The following GRID1 variants were observed in gnomAD, a reference collection of about 807,000 sequenced individuals.
GRID1 encodes the protein glutamate ionotropic receptor delta type subunit 1.
A neutral mutation model predicts 98.0 loss-of-function variants in GRID1; 28 were observed. That is an observed-to-expected ratio of 0.29 (90% confidence interval 0.21 to 0.39). The LOEUF (loss-of-function observed/expected upper bound fraction) is 0.39. GRID1 is among the 10% of genes least tolerant of loss of function. The pLI, the probability that GRID1 is intolerant of heterozygous loss-of-function variation, is 1.00. For missense variants in GRID1, 1,111 were observed against 1,340.5 expected (o/e 0.83, Z 2.67); for synonymous variants, 553 against 538.5 (o/e 1.03, Z -0.37).
intron 4 of GRID1, among the ~76,000 whole-genome samples, chr10:85,993,891 A>G (rs1842710896): frequency 6.6e-6 from 1 of 152,084 alleles, no homozygotes; most frequent in South Asian, 2.1e-4. Context: ...GATGTTCAGT[A>G]GATGATGTTT....
At chr10:86,275,112 G>T (rs1225999292) in intron 2 of GRID1, among the ~76,000 whole-genome samples, 1 of 152,156 alleles carries the variant, frequency 6.6e-6, no homozygotes, top group Non-Finnish European at 1.5e-5. Context: ...TTTGTTTGTT[G>T]TTGTTGTTTT....
intron 3 of GRID1, among the ~76,000 whole-genome samples, chr10:86,170,373 G>A (rs546658837): frequency 3.3e-5 from 5 of 152,340 alleles, no homozygotes; most frequent in East Asian, 1.9e-4. Context: ...TTGACTCCCC[G>A]GTAAAGTAGA....
intron 2 of GRID1, among the ~76,000 whole-genome samples, chr10:86,311,639 G>A (rs1312718424): frequency 6.6e-6 from 1 of 151,720 alleles, no homozygotes; most frequent in Non-Finnish European, 1.5e-5. Context: ...TTTTTCTCTT[G>A]CTCTCTCTCT....
chr10:86,020,995 T>G (rs10509528), intron 4 of GRID1, among the ~76,000 whole-genome samples: 3,302 of 152,278 alleles, frequency 0.022, 98 homozygotes, highest in African/African-American at 0.066. Flanking sequence ...GAGACCACTT[T>G]GCAAGGCGTT....
rs558343792 is a variant in GRID1 at position 86,228,164 on chromosome 10, G to C, written c.236-21516C>G. Among the ~76,000 whole-genome samples the C allele has an allele frequency of 5.3e-5, 8 of 151,310 alleles. No individual in the cohort carries two copies. The South Asian group carries it at 1.7e-3, about 32-fold the overall frequency. On this transcript the variant is annotated intron_variant, in intron 2 of 15. Coordinates refer to ENST00000327946, the MANE Select transcript of GRID1 (RefSeq NM_017551.3). ...GAGTAGGTGGGTGGATGGATGTGTA[G>C]GTGGTTGGTTGAGTAGGTGGGTGGA...
At chr10:86,079,115 AG>A (rs1843928426) in intron 4 of GRID1, among the ~76,000 whole-genome samples, 1 of 152,218 alleles carries the variant, frequency 6.6e-6, no homozygotes, top group Non-Finnish European at 1.5e-5. Flanking sequence ...CTTGAACTGA[AG>A]CAGCACAGGT....
intron 8 of GRID1, among the ~76,000 whole-genome samples, chr10:85,745,551 A>G (rs1841987636): frequency 7.7e-6 from 1 of 129,212 alleles, no homozygotes; most frequent in Admixed American, 7.9e-5. Flanking sequence ...GAAGGGGAAT[A>G]TCACACTCTG....
intron 8 of GRID1, among the ~76,000 whole-genome samples, chr10:85,751,814 T>C (rs1439483201): frequency 1.3e-5 from 2 of 152,160 alleles, no homozygotes; most frequent in East Asian, 3.8e-4. Flanking sequence ...TTAATGCATT[T>C]AAAAAACTTT....
intron 2 of GRID1, among the ~76,000 whole-genome samples, chr10:86,309,464 G>T (rs1589444888): frequency 1.3e-5 from 2 of 152,312 alleles, no homozygotes; most frequent in African/African-American, 2.4e-5. Flanking sequence ...AAGGGATCAT[G>T]CCTGCATGCT....
At chr10:86,295,186 G>A (rs1045924573) in intron 2 of GRID1, among the ~76,000 whole-genome samples, 5 of 152,166 alleles carry the variant, frequency 3.3e-5, no homozygotes, top group Non-Finnish European at 7.3e-5. Context: ...GAGACGCAGA[G>A]GACAGTAGCT....
chr10:86,201,334 T>C (rs910734141), intron 3 of GRID1, among the ~76,000 whole-genome samples: 5 of 152,214 alleles, frequency 3.3e-5, no homozygotes, highest in Admixed American at 2.6e-4. Context: ...TCCACATATA[T>C]GAGTCGCAAA....
At chr10:85,659,352 G>A (rs960354227) in intron 12 of GRID1, among the ~76,000 whole-genome samples, 11 of 152,328 alleles carry the variant, frequency 7.2e-5, no homozygotes, top group African/African-American at 2.6e-4. Flanking sequence ...CTTTAAAATA[G>A]AGGAGTGGTT....
intron 4 of GRID1, among the ~76,000 whole-genome samples, chr10:86,017,760 G>A (rs1189108275): frequency 3.9e-5 from 6 of 152,200 alleles, no homozygotes; most frequent in Non-Finnish European, 8.8e-5. Flanking sequence ...ATGATTAGTA[G>A]TTCTGAGCAT....
intron 3 of GRID1, among the ~76,000 whole-genome samples, chr10:86,150,819 G>A (rs1845156906): frequency 6.6e-6 from 1 of 152,182 alleles, no homozygotes; most frequent in Admixed American, 6.5e-5. Flanking sequence ...TCCACCAGGT[G>A]CGCACACTGA....
Position 85,902,462 on chromosome 10 carries a change from C to G in GRID1, c.780+13724G>C, listed in dbSNP as rs7911452. Among the ~76,000 whole-genome samples, 376 of 152,242 alleles carry G rather than the reference C, an allele frequency of 2.5e-3. 3 individuals carry two copies. Among genetic ancestry groups the G allele is most frequent in the African/African-American group, 8.8e-3 (367 of 41,512 alleles). The stretch of plus-strand genomic sequence containing the variant: ...ACTGAAACCATAAAAAGTAAAACCG[C>G]AGATAAGGAGGGACAACTGCAATAA... On this transcript the variant is annotated intron_variant, in intron 5 of 15. Transcript: ENST00000327946.
chr10:85,639,204 G>C (rs1018899251), intron 13 of GRID1, among the ~76,000 whole-genome samples: 2 of 152,080 alleles, frequency 1.3e-5, no homozygotes, highest in Admixed American at 6.6e-5. Flanking sequence ...AACAAATCAA[G>C]GTTTATTCAT....
intron 4 of GRID1, among the ~76,000 whole-genome samples, chr10:86,041,439 T>C (rs988927391): frequency 2.6e-5 from 4 of 152,172 alleles, no homozygotes; most frequent in African/African-American, 9.7e-5. Context: ...AAAGCTGACC[T>C]TATTTAGAAA....
chr10:85,690,315 T>C (rs1315701069), intron 12 of GRID1, among the ~76,000 whole-genome samples: 2 of 152,174 alleles, frequency 1.3e-5, no homozygotes, highest in African/African-American at 4.8e-5. Context: ...ATGTCTTTGC[T>C]CTCTTAATCT....
Position 85,600,768 on chromosome 10 carries a change from C to T in GRID1, c.*1505G>A, listed in dbSNP as rs543027541. On this transcript the variant is annotated 3_prime_UTR_variant, in exon 16 of 16. Coordinates refer to ENST00000327946, the MANE Select transcript of GRID1 (RefSeq NM_017551.3). ...AGTTTAGTTGCCTCAGAAAGGGCAA[C>T]TGAAGGAGGGGGCGCTGTTAGGTGG... 1 of 152,332 alleles carries T rather than the reference C, an allele frequency of 6.6e-6. No homozygotes were observed. The highest frequency in any genetic ancestry group is 2.1e-4 in the South Asian group (1 of 4,828). The allele number at this position is 152,332 out of a possible 1,614,324, so 9.4% of individuals were successfully genotyped here. A position where few individuals can be genotyped will look rare whatever the true frequency, so the allele number is the denominator to read the frequency against.
Sources: allele counts gnomAD v4.1 joint callset (sites outside exome capture counted in the v4.1 genomes callset), GRCh38; gene constraint gnomAD v4.1.1; transcripts MANE v1.5; gene names NCBI Gene and HGNC (gene_info 2026-07-23, HGNC 2026-07-21).